DNAJC10: variants seen among roughly 807,000 people sequenced by gnomAD.
The protein encoded by DNAJC10 is endoplasmic reticulum disulfide reductase DNAJC10.
Under a neutral mutation model 115.0 loss-of-function variants are expected in DNAJC10, and 101 were observed. The ratio of observed to expected loss-of-function variants is 0.88; its 90% CI spans 0.75 to 1.04. The LOEUF is 1.04. Ranked by LOEUF, DNAJC10 falls within the 50% of genes least tolerant of loss-of-function variation. The pLI, the probability that DNAJC10 is intolerant of heterozygous loss-of-function variation, is 0.00. For missense variants in DNAJC10, 981 were observed against 928.8 expected, an observed-to-expected ratio of 1.06 and a Z score of -0.73; for synonymous variants, 307 against 301.5, an observed-to-expected ratio of 1.02 and a Z score of -0.19.
chr2:182,740,704 G>A (rs1005375444), intron 12 of DNAJC10, among the ~76,000 whole-genome samples: 2 of 152,070 alleles, frequency 1.3e-5, no homozygotes, highest in Non-Finnish European at 2.9e-5. Context: ...CTTACAGAAC[G>A]GATTATATTG....
In DNAJC10 at chr2:182,775,439, G is replaced by T; in HGVS notation, c.2370+19G>T. On this transcript the variant is annotated intron_variant, in intron 23 of 23. Transcript: ENST00000264065. ...GAATAAGGTATGGACTAAGCCTAGAGTTGACTTTGGCAAAAGTTGGCAAAA... is the reference window on the plus strand; with the variant it reads ...GAATAAGGTATGGACTAAGCCTAGATTTGACTTTGGCAAAAGTTGGCAAAA... 6.4e-7 allele frequency: 1 copy of T among 1,560,698 alleles called. No individual in the cohort carries two copies. Among genetic ancestry groups the T allele is most frequent in the Non-Finnish European group, 8.8e-7 (1 of 1,139,424 alleles).
At chr2:182,755,201 C>T (rs368520317) in intron 17 of DNAJC10, 97 bp downstream of exon 17, 136 of 726,606 alleles carry the variant, frequency 1.9e-4, no homozygotes, top group East Asian at 1.2e-3. Context: ...TTACTCTTTT[C>T]ATGCCCAAAC....
Position 182,778,005 on chromosome 2 carries a change from GAT to G in DNAJC10, c.*878_*879del, listed in dbSNP as rs1483561421. ...AGTATTTAGAGTTCTATATTTTAAA[GAT>G]ATATGTGTTCATGTATTTTCTGAAA... On this transcript the variant is annotated 3_prime_UTR_variant, in exon 24 of 24. Coordinates refer to ENST00000264065, the MANE Select transcript of DNAJC10 (RefSeq NM_018981.4). 7.2e-5 allele frequency: 11 copies of G among 152,130 alleles called. No individual in the cohort carries two copies. The highest frequency in any genetic ancestry group is 2.4e-4 in the African/African-American group (10 of 41,454). 9.4% of individuals were successfully genotyped at this position (152,130 alleles called of 1,614,324 possible).
At chr2:182,717,865 A>G (rs183014489) in intron 2 of DNAJC10, 76 bp from the exon 3 acceptor site, 15 of 374,996 alleles carry the variant, frequency 4.0e-5, no homozygotes, top group African/African-American at 2.7e-4. Flanking sequence ...ATTGCTGACC[A>G]TGTTCTGTGA....
rs1320564252 is a variant in DNAJC10, at chr2:182,791,494, A to G, written c.*14362A>G. On this transcript the variant is annotated 3_prime_UTR_variant, in exon 24 of 24. Coordinates refer to ENST00000264065, the MANE Select transcript of DNAJC10 (RefSeq NM_018981.4). ...GAAGTCAACGTGTGTTTCTGAAACT[A>G]TGCTGGGGAAAGTAGCTCTGTCCAT... 1 of 152,210 alleles carries G rather than the reference A, an allele frequency of 6.6e-6. No homozygotes were observed. Among genetic ancestry groups the G allele is most frequent in the East Asian group, 1.9e-4 (1 of 5,200 alleles). The allele number at this position is 152,210 out of a possible 1,614,324, so 9.4% of individuals were successfully genotyped here.
At position 182,779,922 on chromosome 2, in the gene DNAJC10, T is replaced by C. The variant is rs1026238162; in HGVS notation, c.*2790T>C. Reference sequence around the variant, plus strand: ...AATATTTGTGTAATATTTAGTCTAGTGTTAGTCCTTAAATCTGCCAACAAA... The same window carrying C: ...AATATTTGTGTAATATTTAGTCTAGCGTTAGTCCTTAAATCTGCCAACAAA... On this transcript the variant is annotated 3_prime_UTR_variant, in exon 24 of 24. Coordinates refer to ENST00000264065, the MANE Select transcript of DNAJC10 (RefSeq NM_018981.4). 2.0e-5 allele frequency: 3 copies of C among 152,138 alleles called. No homozygotes were observed. Among genetic ancestry groups the C allele is most frequent in the Admixed American group, 6.6e-5 (1 of 15,266 alleles). 9.4% of individuals were successfully genotyped at this position (152,138 alleles called of 1,614,324 possible). A position where few individuals can be genotyped will look rare whatever the true frequency, so the allele number is the denominator to read the frequency against.
intron 11 of DNAJC10, among the ~76,000 whole-genome samples, chr2:182,738,509 T>C (rs288258): frequency 0.68 from 103,366 of 151,776 alleles, 35,885 homozygotes; most frequent in African/African-American, 0.8. Context: ...GAATTAAACA[T>C]TACTTGTCCC....
Position 182,782,437 on chromosome 2 carries a change from T to A in DNAJC10, c.*5305T>A, listed in dbSNP as rs1694870535. 1.3e-5 allele frequency: 2 copies of A among 152,148 alleles called. No individual in the cohort carries two copies. Among genetic ancestry groups the A allele is most frequent in the African/African-American group, 4.8e-5 (2 of 41,438 alleles). 9.4% of individuals were successfully genotyped at this position (152,148 alleles called of 1,614,324 possible). The stretch of plus-strand genomic sequence containing the variant: ...TGGTTCCATATGAAATTTAAAGTAG[T>A]TTTTTCCAATTCTGTGAAGAAAGTC... On this transcript the variant is annotated 3_prime_UTR_variant, in exon 24 of 24. Transcript: ENST00000264065.
chr2:182,790,151 CTAAG>C lies in DNAJC10; in HGVS notation c.*13022_*13025del, dbSNP rs1218664574. 1 of 152,162 alleles carries C rather than the reference CTAAG, an allele frequency of 6.6e-6. No individual in the cohort carries two copies. The highest frequency in any genetic ancestry group is 6.5e-5 in the Admixed American group (1 of 15,270). 9.4% of individuals were successfully genotyped at this position (152,162 alleles called of 1,614,324 possible). A position where few individuals can be genotyped will look rare whatever the true frequency, so the allele number is the denominator to read the frequency against. On this transcript the variant is annotated 3_prime_UTR_variant, in exon 24 of 24. Coordinates refer to ENST00000264065, the MANE Select transcript of DNAJC10 (RefSeq NM_018981.4). ...AAGTTCCTCATTGTCTACCACAAAA[CTAAG>C]TATTTGTTTATAAGAAAAAGCTTTA...
chr2:182,716,844 C>G (rs1181959384), intron 1 of DNAJC10, among the ~76,000 whole-genome samples, 172 bp from the exon 2 acceptor site: 1 of 152,218 alleles, frequency 6.6e-6, no homozygotes, highest in Non-Finnish European at 1.5e-5. Flanking sequence ...GCGCTTCCAC[C>G]TGCCCGGTAG....
At chr2:182,739,930 A>C (rs1032314974) in intron 11 of DNAJC10, 35 of 987,980 alleles carry the variant, frequency 3.5e-5, no homozygotes, top group Non-Finnish European at 3.9e-5. Context: ...ATTCTGTAAA[A>C]CATGATTAGC....
At chr2:182,729,704 A>G in intron 7 of DNAJC10, 144 bp from the exon 8 acceptor site, 5 of 483,250 alleles carry the variant, frequency 1.0e-5, no homozygotes, top group Non-Finnish European at 1.5e-5. Context: ...TCAGGATATC[A>G]TTTGGAAATA....
intron 5 of DNAJC10, among the ~76,000 whole-genome samples, chr2:182,728,059 A>G (rs1693336425): frequency 6.6e-6 from 1 of 152,198 alleles, no homozygotes; most frequent in Admixed American, 6.5e-5. Flanking sequence ...AATCCCCGCA[A>G]TCCTTACTGT....
At chr2:182,776,889 A>T (rs2105713323) in intron 23 of DNAJC10, among the ~76,000 whole-genome samples, 1 of 152,350 alleles carries the variant, frequency 6.6e-6, no homozygotes, top group South Asian at 2.1e-4. Context: ...GCTTGAAATT[A>T]TGTAAACCTA....
intron 5 of DNAJC10, among the ~76,000 whole-genome samples, chr2:182,723,423 T>C (rs943156783): frequency 6.6e-6 from 1 of 152,184 alleles, no homozygotes; most frequent in African/African-American, 2.4e-5. Flanking sequence ...ATGTGTTACT[T>C]TGTTAAAAGC....
rs181180478 is a variant in DNAJC10 at position 182,782,543 on chromosome 2, A to G, written c.*5411A>G. ...CTATTTCACAATATTAATTCTTCCT[A>G]TCCATGAGCATGGAATGCTTTTTCC... is the stretch of plus-strand genomic sequence containing the variant. On this transcript the variant is annotated 3_prime_UTR_variant, in exon 24 of 24. Coordinates refer to ENST00000264065, the MANE Select transcript of DNAJC10 (RefSeq NM_018981.4). 2 of 152,238 alleles carry G rather than the reference A, an allele frequency of 1.3e-5. No homozygotes were observed. Among genetic ancestry groups the G allele is most frequent in the East Asian group, 3.9e-4 (2 of 5,176 alleles). 9.4% of individuals were successfully genotyped at this position (152,238 alleles called of 1,614,324 possible).
Position 182,791,033 on chromosome 2 carries a change from A to ATT in DNAJC10, c.*13907_*13908dup, listed in dbSNP as rs546940022. On this transcript the variant is annotated 3_prime_UTR_variant, in exon 24 of 24. Transcript: ENST00000264065. ...TGTTATGACTTATTTTCAAGTAAAT[A>ATT]TTTTTTTAATTTCTTCATTTGGGAT... The ATT allele has an allele frequency of 6.6e-6, 1 of 152,078 alleles. No homozygotes were observed. Among genetic ancestry groups the ATT allele is most frequent in the Non-Finnish European group, 1.5e-5 (1 of 68,012 alleles). 9.4% of individuals were successfully genotyped at this position (152,078 alleles called of 1,614,324 possible). A position where few individuals can be genotyped will look rare whatever the true frequency, so the allele number is the denominator to read the frequency against.
At chr2:182,757,916 C>A (rs982807351) in intron 19 of DNAJC10, 91 bp downstream of exon 19, 26 of 753,460 alleles carry the variant, frequency 3.5e-5, no homozygotes, top group Non-Finnish European at 4.5e-5. Flanking sequence ...AAAAGTTAAC[C>A]CAACAAATAT....
rs1028407824 is a variant in DNAJC10, at chr2:182,732,375, A to C, written c.806-124A>C. ...GTGTAGAAGGATTTCCATATCTATC[A>C]ATAGAGTCCAGCTCAATTAATTGCC... On this transcript the variant is annotated intron_variant, in intron 9 of 23. Transcript: ENST00000264065. 5 of 843,654 alleles carry C rather than the reference A, an allele frequency of 5.9e-6. No homozygotes were observed. In the African/African-American group the frequency reaches 8.4e-5, roughly 14 times the overall value. 52.3% of individuals were successfully genotyped at this position (843,654 alleles called of 1,614,324 possible).
Sources: gnomAD v4.1 joint callset for allele counts (sites outside exome capture counted in the v4.1 genomes callset) on GRCh38, gnomAD v4.1.1 for gene constraint, MANE v1.5 for transcripts, NCBI Gene and HGNC (gene_info 2026-07-23, HGNC 2026-07-21) for gene names.